Variants in NUP153 observed in about 807,000 individuals in gnomAD.
NUP153 encodes the protein nucleoporin 153.
In NUP153, 27 loss-of-function variants were observed where a neutral mutation model predicts 134.6. That is an observed-to-expected ratio of 0.20 (90% confidence interval 0.15 to 0.28). The LOEUF is 0.28. Ranked by LOEUF, NUP153 falls within the 10% of genes least tolerant of loss-of-function variation. The pLI, the probability that NUP153 is intolerant of heterozygous loss-of-function variation, is 1.00. For missense variants in NUP153, 1,821 were observed against 1,731.3 expected (o/e 1.05, Z -0.92); for synonymous variants, 640 against 623.5 (o/e 1.03, Z -0.40).
At chr6:17,651,532 T>C (rs1340445523) in intron 11 of NUP153, among the ~76,000 whole-genome samples, 1 of 152,112 alleles carries the variant, frequency 6.6e-6, no homozygotes, top group Non-Finnish European at 1.5e-5. Flanking sequence ...CTCAGTTATA[T>C]GTTGTTTACC....
chr6:17,630,786 G>A (rs73367297), intron 17 of NUP153, among the ~76,000 whole-genome samples: 2,170 of 151,114 alleles, frequency 0.014, 60 homozygotes, highest in African/African-American at 0.05. Flanking sequence ...GGAGAGAAGA[G>A]AGAAGACAGG....
At chr6:17,619,865 A>G (rs919186025) in intron 20 of NUP153, among the ~76,000 whole-genome samples, 1 of 152,120 alleles carries the variant, frequency 6.6e-6, no homozygotes, top group African/African-American at 2.4e-5. Flanking sequence ...TGGGAGGCCG[A>G]GGCGGGCAGA....
At chr6:17,668,369 C>T (rs1378447395) in intron 8 of NUP153, among the ~76,000 whole-genome samples, 1 of 151,812 alleles carries the variant, frequency 6.6e-6, no homozygotes, top group African/African-American at 2.4e-5. Context: ...CGTAAGCCAC[C>T]GCACCTGGCC....
chr6:17,698,809 G>A (rs1034084889), intron 1 of NUP153, among the ~76,000 whole-genome samples: 2 of 150,976 alleles, frequency 1.3e-5, no homozygotes, highest in African/African-American at 4.9e-5. Context: ...CGGGGCGGAG[G>A]TTGCAGTGAG....
chr6:17,644,544 T>C (rs932789203), intron 14 of NUP153, among the ~76,000 whole-genome samples: 2 of 152,220 alleles, frequency 1.3e-5, no homozygotes, highest in Non-Finnish European at 2.9e-5. Flanking sequence ...GCTTTGTGTT[T>C]ATATTTCTTG....
Position 17,680,136 on chromosome 6 carries a change from C to T in NUP153, c.335-4366G>A, listed in dbSNP as rs577018070. ...CTTGAGCCTCACCTCCACTGTTTCC[C>T]TTGCGCTCAAGCACAAGCCCTGAAA... On this transcript the variant is annotated intron_variant, in intron 2 of 21. Transcript: ENST00000262077. The surrounding 1 kb of genome is among the most constrained non-coding windows in gnomAD (Gnocchi z 4.5). Among the ~76,000 whole-genome samples the T allele has an allele frequency of 6.6e-6, 1 of 152,304 alleles. No homozygotes were observed. The highest frequency in any genetic ancestry group is 2.1e-4 in the South Asian group (1 of 4,828).
At chr6:17,619,717 A>G (rs1764547511) in intron 20 of NUP153, 1 of 152,216 alleles carries the variant, frequency 6.6e-6, no homozygotes, top group African/African-American at 2.4e-5. Context: ...AAGAACTATT[A>G]TTGTTAAAAT....
chr6:17,662,159 G>A (rs1161354714), intron 9 of NUP153, 89 bp from the exon 10 acceptor site: 51 of 1,181,646 alleles, frequency 4.3e-5, no homozygotes, highest in Middle Eastern at 2.4e-4. Context: ...TTAATATTTA[G>A]AATCAGGAAT....
At chr6:17,623,802 G>A (rs4716166) in intron 20 of NUP153, among the ~76,000 whole-genome samples, 32,534 of 152,000 alleles carry the variant, frequency 0.21, 4,028 homozygotes, top group Non-Finnish European at 0.27. Flanking sequence ...ATAAAAGCAG[G>A]CAAAACTACA....
chr6:17,688,676 T>G (rs1056869501), intron 1 of NUP153, 58 bp from the exon 2 acceptor site: 2 of 1,383,514 alleles, frequency 1.4e-6, no homozygotes, highest in African/African-American at 1.4e-5. Flanking sequence ...TTAAAATAAG[T>G]ACCTACTCAC....
At chr6:17,641,707 T>C (rs970562452) in intron 14 of NUP153, among the ~76,000 whole-genome samples, 3 of 151,620 alleles carry the variant, frequency 2.0e-5, no homozygotes, top group African/African-American at 4.9e-5. Context: ...CAAAACAAAT[T>C]AGCCGGGCGT....
intron 2 of NUP153, among the ~76,000 whole-genome samples, chr6:17,687,316 G>A (rs1768991955): frequency 6.6e-6 from 1 of 152,040 alleles, no homozygotes; most frequent in Admixed American, 6.6e-5. Flanking sequence ...ACAGAGGGGG[G>A]AAAACAGAAA....
At chr6:17,674,189 TA>T (rs1768078078) in intron 5 of NUP153, among the ~76,000 whole-genome samples, 1 of 152,168 alleles carries the variant, frequency 6.6e-6, no homozygotes, top group South Asian at 2.1e-4. Flanking sequence ...ACTCAAGAGA[TA>T]CATAAGGTAA....
intron 20 of NUP153, among the ~76,000 whole-genome samples, chr6:17,622,521 A>G (rs533039122): frequency 1.3e-5 from 2 of 152,348 alleles, no homozygotes; most frequent in East Asian, 3.9e-4. Context: ...ACCTTGTTAT[A>G]GAACTGAGAA....
chr6:17,705,776 T>A (rs1770442676), intron 1 of NUP153, among the ~76,000 whole-genome samples: 1 of 152,046 alleles, frequency 6.6e-6, no homozygotes, highest in Non-Finnish European at 1.5e-5. Context: ...TATTCCACTT[T>A]CCATGTAACA....
intron 1 of NUP153, among the ~76,000 whole-genome samples, chr6:17,693,973 C>T (rs901340674): frequency 3.3e-5 from 5 of 152,150 alleles, no homozygotes; most frequent in African/African-American, 1.2e-4. Context: ...TAATAGGACA[C>T]CCATCTCATT....
At chr6:17,635,102 AT>A (rs1561862477) in intron 16 of NUP153, among the ~76,000 whole-genome samples, 19 of 117,470 alleles carry the variant, frequency 1.6e-4, no homozygotes, top group African/African-American at 6.1e-4. Flanking sequence ...AGCTTGGCTT[AT>A]CTTTTTTTTT....
chr6:17,668,291 G>A (rs1281438718), intron 8 of NUP153, among the ~76,000 whole-genome samples: 1 of 151,682 alleles, frequency 6.6e-6, no homozygotes, highest in African/African-American at 2.4e-5. Flanking sequence ...TGTTGTCCAG[G>A]CTGGTTTTGA....
At chr6:17,664,155 C>T (rs1057466474) in intron 9 of NUP153, among the ~76,000 whole-genome samples, 2 of 151,974 alleles carry the variant, frequency 1.3e-5, no homozygotes, top group African/African-American at 4.8e-5. Context: ...ATACATACTA[C>T]GACGTGAATG....
Sources: gnomAD v4.1 joint callset for allele counts (sites outside exome capture counted in the v4.1 genomes callset) on GRCh38, gnomAD v4.1.1 for gene constraint, Gnocchi (gnomAD v3.1) non-coding constraint, MANE v1.5 for transcripts, NCBI Gene and HGNC (gene_info 2026-07-23, HGNC 2026-07-21) for gene names.